PTPRN2: variants seen among roughly 807,000 people sequenced by gnomAD.
The protein encoded by PTPRN2 is protein tyrosine phosphatase receptor type N2, also known as receptor-type tyrosine-protein phosphatase N2.
A neutral mutation model predicts 118.8 loss-of-function variants in PTPRN2; 74 were observed. The ratio of observed to expected loss-of-function variants is 0.62; its 90% CI spans 0.52 to 0.76. The LOEUF is 0.76. Ranked by LOEUF, PTPRN2 falls within the 30% of genes least tolerant of loss-of-function variation. PTPRN2 has a pLI of 0.00. For synonymous variants in PTPRN2, 641 were observed against 608.0 expected, an observed-to-expected ratio of 1.05 and a Z score of -0.80; for missense variants, 1,481 against 1,394.4, an observed-to-expected ratio of 1.06 and a Z score of -0.99.
chr7:157,669,775 G>A (rs979115201), intron 13 of PTPRN2, among the ~76,000 whole-genome samples: 4 of 152,166 alleles, frequency 2.6e-5, no homozygotes, highest in African/African-American at 4.8e-5. Flanking sequence ...GGAAAAAAGC[G>A]GCCTCTCCGC....
rs545107744 is a variant in PTPRN2, at chr7:157,817,732, C to T, written c.1788+80941G>A. 2.6e-4 allele frequency among the ~76,000 whole-genome samples: 39 copies of T among 152,232 alleles called. No homozygotes were observed. The South Asian group carries it at 8.1e-3, about 32-fold the overall frequency. ...CCTGCAGAGGGTGTGTCCGTGTGGC[C>T]TGTGTGCATGCACGTGTGTGTCTAT... On this transcript the variant is annotated intron_variant, in intron 12 of 22. Coordinates refer to ENST00000389418, the MANE Select transcript of PTPRN2 (RefSeq NM_002847.5).
intron 12 of PTPRN2, among the ~76,000 whole-genome samples, chr7:157,827,683 C>G (rs543655283): frequency 6.6e-6 from 1 of 152,338 alleles, no homozygotes; most frequent in African/African-American, 2.4e-5. Context: ...GTTCCTTGAG[C>G]GAGGACTGAG....
chr7:157,895,116 G>A (rs1265759694), intron 12 of PTPRN2, among the ~76,000 whole-genome samples: 2 of 152,028 alleles, frequency 1.3e-5, no homozygotes, highest in South Asian at 2.1e-4. Context: ...ACTAGGAAAC[G>A]GCCAGAGGGT....
chr7:157,742,953 A>G (rs1800717671), intron 12 of PTPRN2, among the ~76,000 whole-genome samples: 1 of 152,240 alleles, frequency 6.6e-6, no homozygotes, highest in Admixed American at 6.5e-5. Context: ...ATGCTTCGGT[A>G]TTGCATGAAC....
At chr7:158,059,490 A>G (rs1230097983) in intron 11 of PTPRN2, among the ~76,000 whole-genome samples, 1 of 117,036 alleles carries the variant, frequency 8.5e-6, no homozygotes, top group Non-Finnish European at 1.7e-5. Context: ...CACTGCAGCC[A>G]CACTCCATCT....
intron 2 of PTPRN2, among the ~76,000 whole-genome samples, chr7:158,410,286 A>G (rs1433506267): frequency 6.6e-6 from 1 of 152,198 alleles, no homozygotes; most frequent in African/African-American, 2.4e-5. Flanking sequence ...CACGACACTC[A>G]GGACACAGCT....
At chr7:157,695,025 T>C (rs1797696956) in intron 12 of PTPRN2, among the ~76,000 whole-genome samples, 2 of 152,114 alleles carry the variant, frequency 1.3e-5, no homozygotes, top group Admixed American at 1.3e-4. Flanking sequence ...ATATAAATAG[T>C]TTAAAAATGA....
At chr7:158,238,369 G>C (rs73520504) in intron 3 of PTPRN2, among the ~76,000 whole-genome samples, 16,622 of 152,012 alleles carry the variant, frequency 0.11, 1,368 homozygotes, top group East Asian at 0.24. Context: ...AGCGGGGGGT[G>C]TGGGTGGCAC....
In PTPRN2 at chr7:158,440,881, G is replaced by A. The variant is rs1448308532; in HGVS notation, c.163+48854C>T. Among the ~76,000 whole-genome samples, 5 of 147,776 alleles carry A rather than the reference G, an allele frequency of 3.4e-5. 1 individual carries two copies. Among genetic ancestry groups the A allele is most frequent in the African/African-American group, 1.3e-4 (5 of 38,630 alleles). On this transcript the variant is annotated intron_variant, in intron 2 of 22. Coordinates refer to ENST00000389418, the MANE Select transcript of PTPRN2 (RefSeq NM_002847.5). ...GGTGGGGGCAGTGGTATTGGTGGTG[G>A]TGGTGAAGGTGGTGGTGGTGACGGT... is the stretch of plus-strand genomic sequence containing the variant.
At chr7:158,412,619 G>A (rs1586611297) in intron 2 of PTPRN2, among the ~76,000 whole-genome samples, 7 of 82,780 alleles carry the variant, frequency 8.5e-5, no homozygotes, top group South Asian at 5.9e-4. Context: ...GCCCTCCTCA[G>A]CACCAGGGCC....
chr7:157,907,781 C>T (rs1217328678), intron 11 of PTPRN2, among the ~76,000 whole-genome samples: 2 of 152,146 alleles, frequency 1.3e-5, no homozygotes, highest in African/African-American at 4.8e-5. Context: ...CTTTTCCACC[C>T]TCTTCTGCCC....
At position 157,903,466 on chromosome 7, in the gene PTPRN2, T is replaced by G. The variant is rs537819456; in HGVS notation, c.1724-4729A>C. Among the ~76,000 whole-genome samples the G allele has an allele frequency of 1.2e-4, 19 of 152,176 alleles. No homozygotes were observed. The East Asian group carries it at 2.7e-3, about 22-fold the overall frequency. ...AGCCTGCACATGTACTCCCAGATTC[T>G]AAAATAAAAGCTGAAAATTAAAAAT... is the stretch of plus-strand genomic sequence containing the variant. On this transcript the variant is annotated intron_variant, in intron 11 of 22. Transcript: ENST00000389418. This position sits in a 1 kb window ranked among gnomAD's most constrained non-coding sequence, Gnocchi z 4.2.
intron 1 of PTPRN2, among the ~76,000 whole-genome samples, chr7:158,503,335 G>A (rs1822509472): frequency 1.3e-5 from 2 of 152,224 alleles, no homozygotes; most frequent in Admixed American, 1.3e-4. Context: ...CACAATACCA[G>A]CTTCTCTCTA....
chr7:158,273,955 T>C (rs375357972), intron 3 of PTPRN2, among the ~76,000 whole-genome samples: 40 of 59,674 alleles, frequency 6.7e-4, no homozygotes, highest in South Asian at 1.6e-3. Context: ...CAGGGGGAGC[T>C]GCAGACAGAC....
chr7:158,045,896 T>C (rs1808817067), intron 11 of PTPRN2, among the ~76,000 whole-genome samples: 1 of 148,854 alleles, frequency 6.7e-6, no homozygotes, highest in East Asian at 2.0e-4. Flanking sequence ...GAGCAGAACC[T>C]GCGATCCTGA....
At chr7:158,249,369 A>ACAGG (rs1796507775) in intron 3 of PTPRN2, among the ~76,000 whole-genome samples, 1 of 49,276 alleles carries the variant, frequency 2.0e-5, no homozygotes, top group African/African-American at 1.0e-4. Context: ...CACCATACAT[A>ACAGG]CATGCATACA....
At chr7:157,552,742 G>T (rs1419218949) in intron 21 of PTPRN2, among the ~76,000 whole-genome samples, 1 of 152,228 alleles carries the variant, frequency 6.6e-6, no homozygotes, top group South Asian at 2.1e-4. Context: ...GACAGACGTC[G>T]AGTTGTGTCA....
In PTPRN2 at chr7:158,016,059, C is replaced by T. The variant is rs530790451; in HGVS notation, c.1723+65239G>A. ...TGGCCTGACACCCGCTGTTTTTCCT[C>T]GTTCAGGGAATAAGAGCCACTCCCA... is the stretch of plus-strand genomic sequence containing the variant. On this transcript the variant is annotated intron_variant, in intron 11 of 22. Coordinates refer to ENST00000389418, the MANE Select transcript of PTPRN2 (RefSeq NM_002847.5). Among the ~76,000 whole-genome samples the T allele has an allele frequency of 3.3e-5, 5 of 152,156 alleles. No homozygotes were observed. In the East Asian group the frequency reaches 9.6e-4, roughly 29 times the overall value.
At chr7:158,349,908 G>A (rs4243840) in intron 2 of PTPRN2, among the ~76,000 whole-genome samples, 135,352 of 151,986 alleles carry the variant, frequency 0.89, 60,783 homozygotes, top group Non-Finnish European at 0.95. Flanking sequence ...AGGGCCCCCC[G>A]GGCCACATGA....
Sources: gnomAD v4.1 joint callset for allele counts (sites outside exome capture counted in the v4.1 genomes callset) on GRCh38, gnomAD v4.1.1 for gene constraint, Gnocchi (gnomAD v3.1) non-coding constraint, MANE v1.5 for transcripts, NCBI Gene and HGNC (gene_info 2026-07-23, HGNC 2026-07-21) for gene names.